HIF3A: variants seen among roughly 807,000 people sequenced by gnomAD.
HIF3A encodes the protein hypoxia inducible factor 3 subunit alpha.
A neutral mutation model predicts 67.2 loss-of-function variants in HIF3A; 41 were observed. That is an observed-to-expected ratio of 0.61 (90% CI 0.48 to 0.79). The LOEUF is 0.79. Among genes scored for constraint, HIF3A ranks in the 30% least tolerant of loss-of-function variants. The pLI, the probability that HIF3A is intolerant of heterozygous loss-of-function variation, is 0.00. For missense variants in HIF3A, 855 were observed against 898.0 expected (o/e 0.95, Z 0.61); for synonymous variants, 356 against 374.8 (o/e 0.95, Z 0.58).
chr19:46,298,020 G>A (rs905002587), intron 1 of HIF3A, among the ~76,000 whole-genome samples: 18 of 152,150 alleles, frequency 1.2e-4, no homozygotes, highest in Non-Finnish European at 2.6e-4. Context: ...CTGGAACACA[G>A]GGGAACCTGT....
rs933137388 is a variant in HIF3A, at chr19:46,333,349, G to A, written c.1831-1556G>A. Among the ~76,000 whole-genome samples, 7 of 152,228 alleles carry A rather than the reference G, an allele frequency of 4.6e-5. No homozygotes were observed. The South Asian group carries it at 8.3e-4, about 18-fold the overall frequency. On this transcript the variant is annotated intron_variant, in intron 13 of 14. Transcript: ENST00000377670. ...GCCTGGTGCAGTACCTTGGGGCACAGCATGGGAAGTGGGCATCAGCCCTGG... is the reference window on the plus strand; with the variant it reads ...GCCTGGTGCAGTACCTTGGGGCACAACATGGGAAGTGGGCATCAGCCCTGG...
chr19:46,308,360 C>T (rs1442487239), intron 4 of HIF3A, 55 bp downstream of exon 4: 5 of 1,094,044 alleles, frequency 4.6e-6, no homozygotes, highest in Non-Finnish European at 6.8e-6. Context: ...GCTGAGGCTC[C>T]ACCCCTCCCT....
At chr19:46,305,496 A>C in intron 3 of HIF3A, 106 bp downstream of exon 3, 1 of 1,066,278 alleles carries the variant, frequency 9.4e-7, no homozygotes, top group Non-Finnish European at 1.4e-6. Flanking sequence ...TCACAATACA[A>C]AGGGGATATA....
intron 11 of HIF3A, among the ~76,000 whole-genome samples, chr19:46,326,955 C>T (rs757515661): frequency 2.6e-4 from 40 of 152,112 alleles, no homozygotes; most frequent in Admixed American, 1.1e-3. Flanking sequence ...AGATCAAGAC[C>T]GTTCTGGCCA....
chr19:46,312,538 T>TA lies in HIF3A; in HGVS notation c.911dup (p.Tyr304Ter), dbSNP rs1969534055. The TA allele has an allele frequency of 6.2e-7, 1 of 1,614,018 alleles. No individual in the cohort carries two copies. Among genetic ancestry groups the TA allele is most frequent in the Non-Finnish European group, 8.5e-7 (1 of 1,180,004 alleles). Residue 304 changes from tyrosine (Y) to a stop codon, truncating the protein, a stop_gained and frameshift_variant, in exon 8 of 15, where the codon TAT (tyrosine) becomes TAAT (stop). Transcript: ENST00000377670. LOFTEE classifies it high-confidence loss of function. Reference protein sequence around the residue: ...LSKGQAVTGQYRFLARSGGYL... With the variant: ...LSKGQAVTGQ ...CAAGGGCCAGGCAGTAACAGGGCAG[T>TA]ATCGCTTCCTGGCCCGGAGTGGTGG...
Position 46,329,303 on chromosome 19 carries a change from C to T in HIF3A, c.1537C>T (p.His513Tyr), listed in dbSNP as rs1971011913. Residue 513 changes from histidine to tyrosine, a missense_variant, in exon 12 of 15, where the codon CAC (histidine) becomes TAC (tyrosine). Physicochemically the swap from His to Tyr is moderately conservative, Grantham distance 83. Coordinates refer to ENST00000377670, the MANE Select transcript of HIF3A (RefSeq NM_152795.4). ...NASEQLPRAY[H>Y]RPLGAVPRPR... ...CAGCGAGCAGCTACCCAGGGCCTAC[C>T]ACAGACCTCTGGGGGCTGTCCCCCG... The T allele has an allele frequency of 6.2e-7, 1 of 1,613,306 alleles. No individual in the cohort carries two copies. The highest frequency in any genetic ancestry group is 8.5e-7 in the Non-Finnish European group (1 of 1,179,992).
At chr19:46,309,126 C>A (rs757133786) in intron 5 of HIF3A, 25 bp from the exon 6 acceptor site, 1 of 1,599,826 alleles carries the variant, frequency 6.3e-7, no homozygotes, top group East Asian at 2.2e-5. Flanking sequence ...GCACCACTGC[C>A]TTGTCCCCTC....
At chr19:46,303,267 T>C (rs1413330202) in intron 1 of HIF3A, among the ~76,000 whole-genome samples, 1 of 152,238 alleles carries the variant, frequency 6.6e-6, no homozygotes, top group Non-Finnish European at 1.5e-5. Context: ...AAAATGTAGG[T>C]ATCTGAAGTG....
chr19:46,307,775 G>A (rs928081991), intron 3 of HIF3A, among the ~76,000 whole-genome samples: 1 of 151,740 alleles, frequency 6.6e-6, no homozygotes, highest in Non-Finnish European at 1.5e-5. Flanking sequence ...GAAAAAAATA[G>A]CCAGGTGTAG....
intron 4 of HIF3A, 32 bp from the exon 5 acceptor site, chr19:46,308,631 G>T: frequency 1.4e-6 from 2 of 1,384,650 alleles, no homozygotes; most frequent in Middle Eastern, 2.3e-4. Flanking sequence ...GTAGCTGCCT[G>T]TGACCTCCCC....
chr19:46,310,285 C>T (rs1016682556), intron 6 of HIF3A, among the ~76,000 whole-genome samples: 24 of 151,952 alleles, frequency 1.6e-4, no homozygotes, highest in African/African-American at 4.4e-4. Context: ...GTCCCAGCTA[C>T]GCAGGAGGCT....
Position 46,312,141 on chromosome 19 carries a change from C to T in HIF3A, c.771-20C>T, listed in dbSNP as rs748320920. ...CACCCAGTAGCATCCTGACCAGACC[C>T]CACTCCGCCCCACCCCCAGGATTGC... On this transcript the variant is annotated intron_variant, in intron 6 of 14. Coordinates refer to ENST00000377670, the MANE Select transcript of HIF3A (RefSeq NM_152795.4). 1 of 1,601,314 alleles carries T rather than the reference C, an allele frequency of 6.2e-7. No individual in the cohort carries two copies. The highest frequency in any genetic ancestry group is 8.6e-7 in the Non-Finnish European group (1 of 1,168,400).
intron 8 of HIF3A, among the ~76,000 whole-genome samples, chr19:46,316,979 G>A (rs1047844016): frequency 6.6e-6 from 1 of 152,058 alleles, no homozygotes; most frequent in African/African-American, 2.4e-5. Flanking sequence ...GTCTTGCTTT[G>A]TCATGCAGGC....
At chr19:46,319,967 C>T (rs1017369636) in intron 8 of HIF3A, among the ~76,000 whole-genome samples, 4 of 152,170 alleles carry the variant, frequency 2.6e-5, no homozygotes, top group East Asian at 1.9e-4. Context: ...CAGTGGCTCA[C>T]GCCTGTAATC....
intron 14 of HIF3A, among the ~76,000 whole-genome samples, chr19:46,336,837 A>AT (rs1286799886): frequency 6.6e-6 from 1 of 152,146 alleles, no homozygotes; most frequent in Non-Finnish European, 1.5e-5. Context: ...AAATACAAAA[A>AT]TTAGCCAGGC....
rs1379018171 is a variant in HIF3A, at chr19:46,341,025, T to C, written c.*1403T>C. 2 of 152,130 alleles carry C rather than the reference T, an allele frequency of 1.3e-5. No individual in the cohort carries two copies. The highest frequency in any genetic ancestry group is 1.9e-4 in the East Asian group (1 of 5,194). The allele number at this position is 152,130 out of a possible 1,614,324, so 9.4% of individuals were successfully genotyped here. On this transcript the variant is annotated 3_prime_UTR_variant, in exon 15 of 15. Transcript: ENST00000377670. ...TCCTCTGGTTCTAGACCTCTTCCTA[T>C]AAATTAATCCCTCTTGTTTTAGATC...
intron 13 of HIF3A, among the ~76,000 whole-genome samples, chr19:46,334,557 T>G (rs1293437544): frequency 1.3e-5 from 2 of 152,266 alleles, no homozygotes; most frequent in Non-Finnish European, 1.5e-5. Flanking sequence ...TACTTTTATT[T>G]TTATTTTTAT....
chr19:46,300,700 G>A (rs561611748), intron 1 of HIF3A, among the ~76,000 whole-genome samples: 9 of 152,290 alleles, frequency 5.9e-5, no homozygotes, highest in African/African-American at 1.9e-4. Context: ...AAGTAGTGGA[G>A]CTTGTAAGTA....
At chr19:46,315,101 C>T (rs1213745970) in intron 8 of HIF3A, among the ~76,000 whole-genome samples, 1 of 119,316 alleles carries the variant, frequency 8.4e-6, no homozygotes, top group Admixed American at 9.6e-5. Flanking sequence ...GACAGAGTCT[C>T]ATTCTGTTGC....
Sources: gnomAD v4.1 joint callset for allele counts (sites outside exome capture counted in the v4.1 genomes callset) on GRCh38, gnomAD v4.1.1 for gene constraint, MANE v1.5 for transcripts, NCBI Gene and HGNC (gene_info 2026-07-23, HGNC 2026-07-21) for gene names.